The following MARCHF10 variants were observed in gnomAD, a reference collection of about 807,000 sequenced individuals.
MARCHF10 encodes the protein probable E3 ubiquitin-protein ligase MARCHF10.
In MARCHF10, 64 loss-of-function variants were observed where a neutral mutation model predicts 76.2. That is an observed-to-expected ratio of 0.84 (90% CI 0.69 to 1.03). The LOEUF is 1.03. Among genes scored for constraint, MARCHF10 ranks in the 50% least tolerant of loss-of-function variants. The probability of loss-of-function intolerance (pLI) is 0.00; values close to 1 mark genes in which losing one functional copy is unlikely to be tolerated. For missense variants in MARCHF10, 875 were observed against 958.0 expected (o/e 0.91, Z 1.14); for synonymous variants, 340 against 357.5 (o/e 0.95, Z 0.55).
rs143767168 is a variant in MARCHF10 at position 62,732,140 on chromosome 17, C to T, written c.1937+3791G>A. ...ATACTGAAAGACATTAAAGAAGACA[C>T]AAACAAAAGGAGAGAGATACAGCAT... is the stretch of plus-strand genomic sequence containing the variant. On this transcript the variant is annotated intron_variant, in intron 6 of 10. Transcript: ENST00000311269. 2.7e-3 allele frequency among the ~76,000 whole-genome samples: 408 copies of T among 152,164 alleles called. 4 individuals are homozygous for T. Among genetic ancestry groups the T allele is most frequent in the African/African-American group, 9.4e-3 (391 of 41,520 alleles).
chr17:62,795,711 G>A (rs989893108), intron 2 of MARCHF10, among the ~76,000 whole-genome samples: 2 of 152,220 alleles, frequency 1.3e-5, no homozygotes, highest in Admixed American at 6.5e-5. Context: ...ACTGGAGCCA[G>A]TTCATTAAAG....
chr17:62,704,656 C>A (rs1408659209), intron 10 of MARCHF10, among the ~76,000 whole-genome samples: 1 of 152,254 alleles, frequency 6.6e-6, no homozygotes, highest in Non-Finnish European at 1.5e-5. Flanking sequence ...GGTGTGAACA[C>A]GATTCCAGGG....
At chr17:62,766,563 T>C (rs942144805) in intron 3 of MARCHF10, among the ~76,000 whole-genome samples, 7 of 152,128 alleles carry the variant, frequency 4.6e-5, no homozygotes, top group Admixed American at 3.9e-4. Context: ...TAACAGCACA[T>C]TGAGATTGCC....
At chr17:62,807,197 AC>A (rs1351065301) in intron 1 of MARCHF10, among the ~76,000 whole-genome samples, 3 of 152,202 alleles carry the variant, frequency 2.0e-5, no homozygotes, top group Non-Finnish European at 2.9e-5. Context: ...TCTAAAAAAA[AC>A]TTTGCATTTT....
chr17:62,737,191 G>T lies in MARCHF10; in HGVS notation c.677C>A (p.Pro226His), dbSNP rs1227577325. 7.4e-6 allele frequency: 12 copies of T among 1,614,066 alleles called. No individual in the cohort carries two copies. The highest frequency in any genetic ancestry group is 1.6e-4 in the Middle Eastern group (1 of 6,062). ...DRAKKGDPSAPSQSELHPALS... is the reference protein window; with the variant it reads ...DRAKKGDPSAHSQSELHPALS... ...GGCTGGATGCAGCTCACTCTGGGAA[G>T]GAGCACTCGGGTCTCCTTTTTTGGC... The change falls in exon 6 of 11, where the codon CCT becomes CAT. Residue 226 changes from proline to histidine, a missense_variant. Physicochemically the swap from Pro to His is moderately conservative, Grantham distance 77. Coordinates refer to ENST00000311269, the MANE Select transcript of MARCHF10 (RefSeq NM_152598.4).
At chr17:62,806,272 C>A (rs1222917806) in intron 1 of MARCHF10, among the ~76,000 whole-genome samples, 1 of 152,200 alleles carries the variant, frequency 6.6e-6, no homozygotes, top group Non-Finnish European at 1.5e-5. Context: ...ATGCTTAATT[C>A]ATGGATCTCA....
At chr17:62,797,394 C>A (rs182257777) in intron 2 of MARCHF10, among the ~76,000 whole-genome samples, 1 of 152,030 alleles carries the variant, frequency 6.6e-6, no homozygotes, top group Non-Finnish European at 1.5e-5. Context: ...TTAGTAGAGA[C>A]GGGGTTTCAC....
chr17:62,797,629 C>T (rs1335596918), intron 2 of MARCHF10, among the ~76,000 whole-genome samples: 3 of 152,280 alleles, frequency 2.0e-5, no homozygotes, highest in African/African-American at 2.4e-5. Flanking sequence ...GGGAAGAAGA[C>T]GTTGGCAAAG....
chr17:62,791,887 G>A (rs1434341982), intron 2 of MARCHF10, among the ~76,000 whole-genome samples: 3 of 152,128 alleles, frequency 2.0e-5, no homozygotes, highest in African/African-American at 4.8e-5. Context: ...GAATCCATGG[G>A]TCAGGAGAGG....
At chr17:62,773,540 TC>T (rs2148024268) in intron 3 of MARCHF10, among the ~76,000 whole-genome samples, 1 of 152,222 alleles carries the variant, frequency 6.6e-6, no homozygotes, top group African/African-American at 2.4e-5. Flanking sequence ...GCTGTTCTGT[TC>T]TTTTTTGCTG....
At chr17:62,735,598 A>G (rs1167807267) in intron 6 of MARCHF10, 1 of 252,720 alleles carries the variant, frequency 4.0e-6, no homozygotes, top group South Asian at 8.0e-5. Flanking sequence ...CCTTTTCCTA[A>G]AAAATCTTGG....
At chr17:62,780,023 G>A (rs2092627361) in intron 3 of MARCHF10, among the ~76,000 whole-genome samples, 1 of 152,094 alleles carries the variant, frequency 6.6e-6, no homozygotes, top group Admixed American at 6.5e-5. Flanking sequence ...CTTGAACCTG[G>A]GAGGTGGAGG....
intron 7 of MARCHF10, 54 bp from the exon 8 acceptor site, chr17:62,722,651 A>G: frequency 6.8e-7 from 1 of 1,462,010 alleles, no homozygotes; most frequent in Non-Finnish European, 9.4e-7. Context: ...TGTTTGTGTT[A>G]GCACTTTGGA....
At position 62,756,075 on chromosome 17, in the gene MARCHF10, CCT is replaced by C. The variant is rs1359745717; in HGVS notation, c.382+3758_382+3759del. On this transcript the variant is annotated intron_variant, in intron 4 of 10. Coordinates refer to ENST00000311269, the MANE Select transcript of MARCHF10 (RefSeq NM_152598.4). ...ACCAGCCTGACCAACATGGAGAAAC[CCT>C]GTCTCTACTAAAAATACAAAATTAG... 2.0e-5 allele frequency among the ~76,000 whole-genome samples: 3 copies of C among 152,242 alleles called. No homozygotes were observed. The East Asian group carries it at 5.8e-4, about 29-fold the overall frequency.
chr17:62,775,422 T>C (rs759228388), intron 3 of MARCHF10, among the ~76,000 whole-genome samples: 10 of 151,756 alleles, frequency 6.6e-5, no homozygotes, highest in South Asian at 4.2e-4. Context: ...CCGGCCCCCA[T>C]AGTCTTTTTA....
intron 2 of MARCHF10, among the ~76,000 whole-genome samples, chr17:62,791,172 G>A (rs192740526): frequency 1.4e-4 from 22 of 152,264 alleles, no homozygotes; most frequent in Admixed American, 1.2e-3. Flanking sequence ...AAAGGGAGTC[G>A]GCTGGAAAGT....
intron 8 of MARCHF10, among the ~76,000 whole-genome samples, chr17:62,719,203 T>C (rs1051916775): frequency 6.6e-6 from 1 of 152,228 alleles, no homozygotes; most frequent in Admixed American, 6.5e-5. Context: ...TAATTTAAAA[T>C]TTCTAGTAGC....
rs1307048977 is a variant in MARCHF10 at position 62,759,909 on chromosome 17, G to A, written c.308C>T (p.Ser103Leu). ...GGTACTTTTATGTTTCTGCTTGACT[G>A]ATGTTTGGTCAATTGCTGGAAGTTT... Reference protein sequence around the residue: ...DSKLPAIDQTSVKQKHKSTMT... With the variant: ...DSKLPAIDQTLVKQKHKSTMT... Residue 103 changes from serine (S) to leucine (L), a missense_variant, in exon 4 of 11, where the codon TCA becomes TTA. Transcript: ENST00000311269. The A allele has an allele frequency of 1.9e-6, 3 of 1,613,948 alleles. No individual in the cohort carries two copies. The highest frequency in any genetic ancestry group is 3.3e-5 in the Admixed American group (2 of 59,976).
intron 4 of MARCHF10, among the ~76,000 whole-genome samples, chr17:62,749,040 C>A (rs2091806526): frequency 6.6e-6 from 1 of 152,148 alleles, no homozygotes; most frequent in Non-Finnish European, 1.5e-5. Context: ...CTTTGGTTTG[C>A]TTTGGACAAC....
Sources: gnomAD v4.1 joint callset for allele counts (sites outside exome capture counted in the v4.1 genomes callset) on GRCh38, gnomAD v4.1.1 for gene constraint, MANE v1.5 for transcripts, NCBI Gene and HGNC (gene_info 2026-07-23, HGNC 2026-07-21) for gene names.